FOXN3: variants seen among roughly 807,000 people sequenced by gnomAD.
The protein encoded by FOXN3 is forkhead box protein N3.
FOXN3 carries 7 observed loss-of-function variants against 38.4 expected under a neutral mutation model. The ratio of observed to expected loss-of-function variants is 0.18; its 90% confidence interval spans 0.10 to 0.34. FOXN3 has a LOEUF of 0.34. Among genes scored for constraint, FOXN3 ranks in the 10% least tolerant of loss-of-function variants. The pLI is 1.00. For missense variants in FOXN3, 456 were observed against 613.4 expected, an observed-to-expected ratio of 0.74 and a Z score of 2.71; for synonymous variants, 230 against 242.2, an observed-to-expected ratio of 0.95 and a Z score of 0.47.
At chr14:89,570,223 T>C (rs2139893737) in intron 1 of FOXN3, among the ~76,000 whole-genome samples, 1 of 152,158 alleles carries the variant, frequency 6.6e-6, no homozygotes, top group East Asian at 1.9e-4. Context: ...ATGGTCTCAA[T>C]CCCCTGACCT....
At chr14:89,494,279 G>A (rs923146878) in intron 1 of FOXN3, 8 of 152,190 alleles carry the variant, frequency 5.3e-5, no homozygotes, top group Non-Finnish European at 1.0e-4. Flanking sequence ...GCCACGCTGT[G>A]TTAATTCCTT....
intron 3 of FOXN3, chr14:89,291,112 T>A: frequency 5.8e-6 from 3 of 514,252 alleles, no homozygotes; most frequent in South Asian, 4.3e-5. Flanking sequence ...AAGACCCTGT[T>A]AGTGTAAAAG....
At chr14:89,290,896 G>A in intron 3 of FOXN3, 1 of 289,060 alleles carries the variant, frequency 3.5e-6, no homozygotes. Context: ...AAAAGTGGAG[G>A]GGCCCTGGAG....
chr14:89,367,828 C>G (rs1890202287), intron 2 of FOXN3, among the ~76,000 whole-genome samples: 1 of 75,830 alleles, frequency 1.3e-5, no homozygotes, highest in Non-Finnish European at 2.8e-5. Flanking sequence ...AGCAAGCCGG[C>G]CTCCTGCCCC....
At chr14:89,225,179 C>A (rs559334716) in intron 4 of FOXN3, among the ~76,000 whole-genome samples, 2 of 150,622 alleles carry the variant, frequency 1.3e-5, no homozygotes, top group African/African-American at 2.4e-5. Flanking sequence ...GGGATGTGTG[C>A]CTATAGTCCC....
intron 1 of FOXN3, among the ~76,000 whole-genome samples, chr14:89,485,721 A>G (rs1893431765): frequency 6.6e-6 from 1 of 151,874 alleles, no homozygotes; most frequent in African/African-American, 2.4e-5. Flanking sequence ...AATGGGCTCC[A>G]CTCCAGGATC....
intron 2 of FOXN3, among the ~76,000 whole-genome samples, chr14:89,394,742 G>GT (rs908879572): frequency 6.6e-6 from 1 of 152,224 alleles, no homozygotes; most frequent in Non-Finnish European, 1.5e-5. Flanking sequence ...GATACCTGAA[G>GT]TTACTATTCT....
chr14:89,533,147 A>C (rs902912355), intron 1 of FOXN3, among the ~76,000 whole-genome samples: 1 of 152,228 alleles, frequency 6.6e-6, no homozygotes, highest in Non-Finnish European at 1.5e-5. Flanking sequence ...GGGGCCACAT[A>C]AACTCAAAGC....
intron 4 of FOXN3, among the ~76,000 whole-genome samples, chr14:89,215,480 G>C (rs902588658): frequency 3.3e-5 from 5 of 151,994 alleles, no homozygotes; most frequent in Admixed American, 2.6e-4. Flanking sequence ...TATATAAAAG[G>C]CTTCCACTAT....
At chr14:89,535,345 A>G (rs1346324704) in intron 1 of FOXN3, among the ~76,000 whole-genome samples, 1 of 152,078 alleles carries the variant, frequency 6.6e-6, no homozygotes, top group Non-Finnish European at 1.5e-5. Flanking sequence ...CTCCCCAGCC[A>G]CAAAATGTGT....
At position 89,269,221 on chromosome 14, in the gene FOXN3, A is replaced by G. The variant is rs545290417; in HGVS notation, c.745+11729T>C. Among the ~76,000 whole-genome samples, 188 of 152,264 alleles carry G rather than the reference A, an allele frequency of 1.2e-3. 1 individual carries two copies. The highest frequency in any genetic ancestry group is 4.1e-3 in the South Asian group (20 of 4,824). ...TCATCCTGATCAAGCCCCATTAGAA[A>G]TCACAGCCTACGGAAAGAGGGGCCA... is the stretch of plus-strand genomic sequence containing the variant. On this transcript the variant is annotated intron_variant, in intron 4 of 5. Transcript: ENST00000557258.
chr14:89,501,343 T>A (rs370559128), intron 1 of FOXN3, among the ~76,000 whole-genome samples: 1 of 152,174 alleles, frequency 6.6e-6, no homozygotes, highest in African/African-American at 2.4e-5. Context: ...TTTGTTTACT[T>A]CTCACACAGC....
At position 89,415,846 on chromosome 14, in the gene FOXN3, C is replaced by CCACACACACACACACA. The variant is rs1891687068; in HGVS notation, c.-15+1024_-15+1025insTGTGTGTGTGTGTGTG. 4.2e-5 allele frequency among the ~76,000 whole-genome samples: 2 copies of CCACACACACACACACA among 47,498 alleles called. 1 individual carries two copies. Among genetic ancestry groups the CCACACACACACACACA allele is most frequent in the African/African-American group, 1.7e-4 (2 of 11,578 alleles). 31.2% of individuals were successfully genotyped at this position (47,498 alleles called of 152,430 possible). A position where few individuals can be genotyped will look rare whatever the true frequency, so the allele number is the denominator to read the frequency against. On this transcript the variant is annotated intron_variant, in intron 1 of 5. Transcript: ENST00000557258. ...CTGGTGACCTCCTTACAACTTTTCT[C>CCACACACACACACACA]TACACACACACACACACACACACAC...
rs1485333418 is a variant in FOXN3, at chr14:89,205,017, G to A, written c.746-24211C>T. 4.9e-5 allele frequency among the ~76,000 whole-genome samples: 7 copies of A among 142,638 alleles called. No homozygotes were observed. In the East Asian group the frequency reaches 1.3e-3, roughly 28 times the overall value. 93.6% of individuals were successfully genotyped at this position (142,638 alleles called of 152,430 possible). The stretch of plus-strand genomic sequence containing the variant: ...AGAGCTGATTTTCTGGTGAGCGAAT[G>A]GGAAATGGGTTCTAAAGAAAATCTC... On this transcript the variant is annotated intron_variant, in intron 4 of 5. Transcript: ENST00000557258.
chr14:89,570,688 GTTTTT>G (rs11383658), intron 1 of FOXN3, among the ~76,000 whole-genome samples: 1 of 145,164 alleles, frequency 6.9e-6, no homozygotes, highest in Non-Finnish European at 1.5e-5. Context: ...TGCAATTTTG[GTTTTT>G]TTTTTTTAGC....
chr14:89,466,869 C>A (rs1330138270), intron 1 of FOXN3, among the ~76,000 whole-genome samples: 1 of 152,208 alleles, frequency 6.6e-6, no homozygotes, highest in African/African-American at 2.4e-5. Context: ...TGGGGGCACA[C>A]TGCTTTCATT....
intron 4 of FOXN3, among the ~76,000 whole-genome samples, chr14:89,182,968 T>C (rs1416143348): frequency 2.0e-5 from 3 of 152,158 alleles, no homozygotes; most frequent in Admixed American, 2.0e-4. Flanking sequence ...TAGAAATGGA[T>C]CATACACCTA....
chr14:89,604,292 A>G, intron 1 of FOXN3, among the ~76,000 whole-genome samples: 1 of 151,902 alleles, frequency 6.6e-6, no homozygotes, highest in Non-Finnish European at 1.5e-5. Flanking sequence ...GAGAGAGAGA[A>G]ACAAAGCACC....
intron 4 of FOXN3, among the ~76,000 whole-genome samples, chr14:89,266,252 G>A (rs1885975190): frequency 6.6e-6 from 1 of 152,192 alleles, no homozygotes; most frequent in African/African-American, 2.4e-5. Flanking sequence ...GGGTTCTCCT[G>A]AGGCTGTCTC....
Sources: gnomAD v4.1 joint callset for allele counts (sites outside exome capture counted in the v4.1 genomes callset) on GRCh38, gnomAD v4.1.1 for gene constraint, MANE v1.5 for transcripts, NCBI Gene and HGNC (gene_info 2026-07-23, HGNC 2026-07-21) for gene names.